ASPRV1: variants seen among roughly 807,000 people sequenced by gnomAD.
ASPRV1 encodes the protein aspartic peptidase retroviral like 1, also known as retroviral-like aspartic protease 1.
A neutral mutation model predicts 11.0 loss-of-function variants in ASPRV1; 7 were observed. The observed-to-expected ratio is 0.64, with a 90% CI of 0.36 to 1.20. ASPRV1 has a LOEUF of 1.20. ASPRV1 is among the 50% of genes most tolerant of loss of function. The pLI is 0.02. For synonymous variants in ASPRV1, 136 were observed against 138.4 expected (o/e 0.98, Z 0.12); for missense variants, 299 against 320.0 (o/e 0.93, Z 0.50).
chr2:70,060,575 G>A, the ASPRV1 span, among the ~76,000 whole-genome samples: 1 of 152,186 alleles, frequency 6.6e-6, no homozygotes, highest in Non-Finnish European at 1.5e-5. Context: ...CACTTTGGGA[G>A]GCCGAGGCAG....
At chr2:70,076,685 T>A in the ASPRV1 span, among the ~76,000 whole-genome samples, 27 of 152,328 alleles carry the variant, frequency 1.8e-4, no homozygotes, top group African/African-American at 6.5e-4. Flanking sequence ...ACACTTAACA[T>A]TAGCCTCTAG....
chr2:70,006,925 G>A, the ASPRV1 span, among the ~76,000 whole-genome samples: 2 of 152,154 alleles, frequency 1.3e-5, no homozygotes, highest in South Asian at 4.1e-4. Context: ...GCCTTGGGTT[G>A]GGGCCTGGCT....
the ASPRV1 span, among the ~76,000 whole-genome samples, chr2:70,066,542 C>T: frequency 1.3e-5 from 2 of 152,030 alleles, no homozygotes. Flanking sequence ...TGCGCCTGGC[C>T]TCACTGACAT....
the ASPRV1 span, among the ~76,000 whole-genome samples, chr2:69,952,673 T>C: frequency 6.6e-5 from 10 of 152,194 alleles, no homozygotes; most frequent in Non-Finnish European, 1.0e-4. Context: ...TTACCTCATC[T>C]GGGGCTGGAT....
the ASPRV1 span, chr2:70,046,524 C>A: frequency 6.6e-6 from 1 of 152,142 alleles, no homozygotes; most frequent in African/African-American, 2.4e-5. Flanking sequence ...GCTATGCTGA[C>A]TATAAATCAC....
the ASPRV1 span, among the ~76,000 whole-genome samples, chr2:70,063,698 G>A: frequency 6.6e-6 from 1 of 152,126 alleles, no homozygotes; most frequent in Non-Finnish European, 1.5e-5. Context: ...TCATTTTAAA[G>A]TAAAGAGCCC....
chr2:70,023,527 G>A, the ASPRV1 span, among the ~76,000 whole-genome samples: 1 of 151,976 alleles, frequency 6.6e-6, no homozygotes, highest in Non-Finnish European at 1.5e-5. Flanking sequence ...TGCATTGTTG[G>A]CCAGGCATGG....
chr2:70,086,505 C>T, the ASPRV1 span: 2 of 151,560 alleles, frequency 1.3e-5, no homozygotes, highest in Non-Finnish European at 2.9e-5. Context: ...GATGGCGGGC[C>T]CTGACGGGGC....
At chr2:70,083,252 G>A in the ASPRV1 span, among the ~76,000 whole-genome samples, 2 of 152,168 alleles carry the variant, frequency 1.3e-5, no homozygotes. Context: ...GAGTCAAGAG[G>A]TTCAGCTCAA....
Position 69,960,707 on chromosome 2 carries a change from T to C in ASPRV1, c.730A>G (p.Ile244Val), listed in dbSNP as rs757767066. Residue 244 changes from isoleucine (I) to valine (V), a missense_variant, in exon 1 of 1, where the codon ATA becomes GTA. Coordinates refer to ENST00000320256, the MANE Select transcript of ASPRV1 (RefSeq NM_152792.4). ...SLEDEFDLELIEEDPSSEEGR... is the reference protein window; with the variant it reads ...SLEDEFDLELVEEDPSSEEGR... ...TCTTCTGAGGAGGGGTCCTCCTCTATGAGCTCCAGGTCAAACTCATCTTCC... is the reference window on the plus strand; with the variant it reads ...TCTTCTGAGGAGGGGTCCTCCTCTACGAGCTCCAGGTCAAACTCATCTTCC... 4 of 1,614,128 alleles carry C rather than the reference T, an allele frequency of 2.5e-6. No individual in the cohort carries two copies. In the South Asian group the frequency reaches 3.3e-5, roughly 13 times the overall value.
chr2:69,937,326 G>T, the ASPRV1 span: 1 of 1,614,180 alleles, frequency 6.2e-7, no homozygotes, highest in Non-Finnish European at 8.5e-7. Context: ...GAGAAGCTGG[G>T]CATTGAGAGG....
the ASPRV1 span, among the ~76,000 whole-genome samples, chr2:69,990,704 C>T: frequency 2.0e-5 from 3 of 152,288 alleles, no homozygotes; most frequent in South Asian, 2.1e-4. Context: ...ATCTCCCTGC[C>T]TTGGCCTCCC....
At chr2:70,052,171 A>G in the ASPRV1 span, among the ~76,000 whole-genome samples, 2 of 152,226 alleles carry the variant, frequency 1.3e-5, no homozygotes, top group African/African-American at 4.8e-5. Context: ...AGAAAAATAT[A>G]GAAGGGAAGA....
the ASPRV1 span, among the ~76,000 whole-genome samples, chr2:70,039,771 A>C: frequency 6.6e-6 from 1 of 152,198 alleles, no homozygotes; most frequent in Non-Finnish European, 1.5e-5. Context: ...CACGACTTCC[A>C]TTTTACTTAG....
the ASPRV1 span, among the ~76,000 whole-genome samples, chr2:69,944,411 G>A: frequency 6.6e-6 from 1 of 152,160 alleles, no homozygotes; most frequent in Non-Finnish European, 1.5e-5. Flanking sequence ...GCCACTGCAG[G>A]GCCTCCGTGA....
the ASPRV1 span, chr2:70,086,137 T>A: frequency 6.6e-6 from 1 of 152,290 alleles, no homozygotes; most frequent in East Asian, 1.9e-4. Context: ...CAGACCAGCC[T>A]GTGGGCTTTT....
the ASPRV1 span, among the ~76,000 whole-genome samples, chr2:69,981,454 T>C: frequency 1.3e-5 from 2 of 152,356 alleles, no homozygotes; most frequent in Non-Finnish European, 2.9e-5. Context: ...TAGTTACAAA[T>C]GGATCATATA....
the ASPRV1 span, among the ~76,000 whole-genome samples, chr2:69,947,033 G>A: frequency 1.3e-5 from 2 of 152,190 alleles, no homozygotes; most frequent in South Asian, 2.1e-4. Context: ...GCATTCACAC[G>A]TACCTTTGCA....
the ASPRV1 span, among the ~76,000 whole-genome samples, chr2:69,973,359 A>C: frequency 6.6e-6 from 1 of 152,186 alleles, no homozygotes; most frequent in Admixed American, 6.5e-5. Context: ...TGAAGCCAGA[A>C]AGACAGATGT....
Sources: allele counts gnomAD v4.1 joint callset (sites outside exome capture counted in the v4.1 genomes callset), GRCh38; gene constraint gnomAD v4.1.1; transcripts MANE v1.5; gene names NCBI Gene and HGNC (gene_info 2026-07-23, HGNC 2026-07-21).